PAFAH1B2: variants seen among roughly 807,000 people sequenced by gnomAD.
The protein encoded by PAFAH1B2 is platelet activating factor acetylhydrolase 1b catalytic subunit 2.
Under a neutral mutation model 28.0 loss-of-function variants are expected in PAFAH1B2, and 8 were observed. That is an observed-to-expected ratio of 0.29 (90% CI 0.17 to 0.52). PAFAH1B2 has a LOEUF of 0.52. Ranked by LOEUF, PAFAH1B2 falls within the 20% of genes least tolerant of loss-of-function variation. PAFAH1B2 has a pLI of 0.97. For missense variants in PAFAH1B2, 190 were observed against 282.6 expected (o/e 0.67, Z 2.35); for synonymous variants, 104 against 103.2 (o/e 1.01, Z -0.05).
chr11:117,152,740 T>C (rs912339866), intron 2 of PAFAH1B2, among the ~76,000 whole-genome samples: 2 of 152,132 alleles, frequency 1.3e-5, no homozygotes, highest in African/African-American at 4.8e-5. Flanking sequence ...TTAAGGTCTT[T>C]TGACCAAAAC....
downstream of PAFAH1B2, among the ~76,000 whole-genome samples, chr11:117,173,225 G>T (rs60959364): frequency 0.013 from 1,983 of 152,288 alleles, 38 homozygotes; most frequent in African/African-American, 0.041. Context: ...GTATATCACA[G>T]ATATTTCCCA....
At chr11:117,145,084 C>A (rs950198450) in intron 1 of PAFAH1B2, among the ~76,000 whole-genome samples, 1 of 152,202 alleles carries the variant, frequency 6.6e-6, no homozygotes, top group African/African-American at 2.4e-5. Flanking sequence ...GGCTTTCCAG[C>A]CCCCATCTCA....
chr11:117,159,284 G>T (rs1369780028), intron 2 of PAFAH1B2: 1 of 152,206 alleles, frequency 6.6e-6, no homozygotes, highest in East Asian at 1.9e-4. Flanking sequence ...GTAAGGGTGA[G>T]AAGAAAGTTC....
At chr11:117,177,495 A>G (rs926203774), downstream of PAFAH1B2, among the ~76,000 whole-genome samples, 7 of 152,146 alleles carry the variant, frequency 4.6e-5, no homozygotes, top group African/African-American at 1.4e-4. Context: ...CTATTTTTCT[A>G]TGCATGTCTA....
At position 117,170,526 on chromosome 11, in the gene PAFAH1B2, C is replaced by G. The variant is rs1049028582; in HGVS notation, c.*2827C>G. The stretch of plus-strand genomic sequence containing the variant: ...ACCACCGTGAGGCTACTTGAACTGT[C>G]AGGGGCATCTGCCTAAACCAGAATC... On this transcript the variant is annotated 3_prime_UTR_variant, in exon 6 of 6. Coordinates refer to ENST00000527958, the MANE Select transcript of PAFAH1B2 (RefSeq NM_002572.4). 5.4e-5 allele frequency: 57 copies of G among 1,057,042 alleles called. No individual in the cohort carries two copies. The African/African-American group carries it at 7.5e-4, about 14-fold the overall frequency. The allele number at this position is 1,057,042 out of a possible 1,614,324, so 65.5% of individuals were successfully genotyped here.
downstream of PAFAH1B2, chr11:117,171,762 G>A (rs555001040): frequency 1.6e-5 from 25 of 1,531,470 alleles, no homozygotes; most frequent in South Asian, 6.0e-5. Flanking sequence ...TTGGTATGCC[G>A]GTATGATGTT....
intron 1 of PAFAH1B2, among the ~76,000 whole-genome samples, chr11:117,146,477 T>C (rs575806791): frequency 1.1e-4 from 16 of 152,276 alleles, no homozygotes; most frequent in Non-Finnish European, 2.1e-4. Context: ...TTCGTTTCAA[T>C]TGGAAAGAAT....
At chr11:117,151,286 G>A (rs1374792201) in intron 1 of PAFAH1B2, among the ~76,000 whole-genome samples, 1 of 144,764 alleles carries the variant, frequency 6.9e-6, no homozygotes, top group Non-Finnish European at 1.5e-5. Context: ...CTGGAGTGCA[G>A]TGGTGTGATT....
chr11:117,176,103 A>C (rs963421656), exon 6 of PAFAH1B2: 20 of 639,838 alleles, frequency 3.1e-5, no homozygotes, highest in Non-Finnish European at 5.5e-5. Context: ...CCAAGGTGCA[A>C]ACTTGAGTCT....
chr11:117,171,768 A>G, downstream of PAFAH1B2: 1 of 1,530,736 alleles, frequency 6.5e-7, no homozygotes, highest in African/African-American at 1.4e-5. Context: ...TGCCGGTATG[A>G]TGTTCCTTGG....
rs1409663688 is a variant in PAFAH1B2, at chr11:117,167,362, A to G, written c.412-59A>G. ...GTTCCAGGAATATCTGAAGTTATAA[A>G]TAATAAGTAGAGAAAAATAAGTGAA... On this transcript the variant is annotated intron_variant, in intron 5 of 5. Coordinates refer to ENST00000527958, the MANE Select transcript of PAFAH1B2 (RefSeq NM_002572.4). 6 of 1,469,118 alleles carry G rather than the reference A, an allele frequency of 4.1e-6. No individual in the cohort carries two copies. The African/African-American group carries it at 5.6e-5, about 14-fold the overall frequency. The allele number at this position is 1,469,118 out of a possible 1,614,324, so 91.0% of individuals were successfully genotyped here. A position where few individuals can be genotyped will look rare whatever the true frequency, so the allele number is the denominator to read the frequency against.
In PAFAH1B2 at chr11:117,168,446, G is replaced by GT. The variant is rs71469127; in HGVS notation, c.*772dup. 2,268 of 235,200 alleles carry GT rather than the reference G, an allele frequency of 9.6e-3. 7 individuals are homozygous for GT. Among genetic ancestry groups the GT allele is most frequent in the Admixed American group, 0.049 (68 of 1,398 alleles). The allele number at this position is 235,200 out of a possible 1,614,324, so 14.6% of individuals were successfully genotyped here. The stretch of plus-strand genomic sequence containing the variant: ...TCCCCTTCATTCCCCCCGCCACCCC[G>GT]TTTTTTTTTTTTTTTTTTTTTTTTT... On this transcript the variant is annotated 3_prime_UTR_variant, in exon 6 of 6. Transcript: ENST00000527958.
rs1043153248 is a variant in PAFAH1B2 at position 117,164,402 on chromosome 11, G to A, written c.411+510G>A. 1.9e-4 allele frequency among the ~76,000 whole-genome samples: 13 copies of A among 67,584 alleles called. No homozygotes were observed. The East Asian group carries it at 2.0e-3, about 10-fold the overall frequency. 44.3% of individuals were successfully genotyped at this position (67,584 alleles called of 152,430 possible). A position where few individuals can be genotyped will look rare whatever the true frequency, so the allele number is the denominator to read the frequency against. ...AGCCTGGGTGACAGAGCGAGACTCC[G>A]TCTCAAAAAAAAAAAGTATGGAAGC... On this transcript the variant is annotated intron_variant, in intron 5 of 5. Coordinates refer to ENST00000527958, the MANE Select transcript of PAFAH1B2 (RefSeq NM_002572.4).
intron 2 of PAFAH1B2, 90 bp downstream of exon 2, chr11:117,152,618 G>T (rs1212689890): frequency 5.6e-6 from 5 of 892,726 alleles, no homozygotes; most frequent in South Asian, 4.2e-5. Context: ...AGGTCTCACT[G>T]TGTTGCCCAG....
chr11:117,144,757 T>C (rs1382797580), intron 1 of PAFAH1B2, among the ~76,000 whole-genome samples: 2 of 140,552 alleles, frequency 1.4e-5, no homozygotes, highest in Admixed American at 6.9e-5. Context: ...CGCCCTGCCC[T>C]GCCCTGCCCT....
chr11:117,169,434 A>G lies in PAFAH1B2; in HGVS notation c.*1735A>G. On this transcript the variant is annotated 3_prime_UTR_variant, in exon 6 of 6. Transcript: ENST00000527958. ...AATATGCTCTGCAGTGATTCCGCTT[A>G]ATGTTTAAATTCAGTAACGTACTTG... 1 of 1,052,938 alleles carries G rather than the reference A, an allele frequency of 9.5e-7. No individual in the cohort carries two copies. The highest frequency in any genetic ancestry group is 1.1e-6 in the Non-Finnish European group (1 of 871,626). The allele number at this position is 1,052,938 out of a possible 1,614,324, so 65.2% of individuals were successfully genotyped here.
Position 117,170,603 on chromosome 11 carries a change from G to A in PAFAH1B2, c.*2904G>A, listed in dbSNP as rs1366919109. 372 of 1,048,472 alleles carry A rather than the reference G, an allele frequency of 3.5e-4. No individual in the cohort carries two copies. Among genetic ancestry groups the A allele is most frequent in the Non-Finnish European group, 4.0e-4 (347 of 872,830 alleles). 64.9% of individuals were successfully genotyped at this position (1,048,472 alleles called of 1,614,324 possible). ...AACAAATCTTGAGTAGCTCATGCCC[G>A]GCTCTTAGGAATTTTGTCTGTTTAA... On this transcript the variant is annotated 3_prime_UTR_variant, in exon 6 of 6. Transcript: ENST00000527958.
chr11:117,146,609 A>G lies in PAFAH1B2; in HGVS notation c.-8+2191A>G, dbSNP rs9971561. Among the ~76,000 whole-genome samples the G allele has an allele frequency of 5.5e-3, 831 of 152,254 alleles. 11 individuals carry two copies. The highest frequency in any genetic ancestry group is 0.018 in the African/African-American group (765 of 41,556). ...TCTGGAAGGAAGAAATGGGAGGATC[A>G]CTTGAGCCCAGGAGATCAAGGCTGC... On this transcript the variant is annotated intron_variant, in intron 1 of 5. Coordinates refer to ENST00000527958, the MANE Select transcript of PAFAH1B2 (RefSeq NM_002572.4).
At chr11:117,158,586 AAATTG>A (rs959505682) in intron 2 of PAFAH1B2, among the ~76,000 whole-genome samples, 3 of 152,064 alleles carry the variant, frequency 2.0e-5, no homozygotes, top group Non-Finnish European at 4.4e-5. Flanking sequence ...GCCATTTGAA[AAATTG>A]AATGTTATGG....
Sources: allele counts gnomAD v4.1 joint callset (sites outside exome capture counted in the v4.1 genomes callset), GRCh38; gene constraint gnomAD v4.1.1; transcripts MANE v1.5; gene names NCBI Gene and HGNC (gene_info 2026-07-23, HGNC 2026-07-21).